Variants in DAB1 observed in about 807,000 individuals in gnomAD.
DAB1 encodes the protein DAB adaptor protein 1, also known as disabled homolog 1.
A neutral mutation model predicts 64.6 loss-of-function variants in DAB1; 15 were observed. The ratio of observed to expected loss-of-function variants is 0.23; its 90% confidence interval spans 0.16 to 0.36. The LOEUF is 0.36. DAB1 is among the 10% of genes least tolerant of loss of function. The pLI is 1.00. For synonymous variants in DAB1, 235 were observed against 251.9 expected (o/e 0.93, Z 0.64); for missense variants, 596 against 706.7 (o/e 0.84, Z 1.78).
chr1:58,168,414 C>T (rs913713060), intron 4 of DAB1, among the ~76,000 whole-genome samples: 1 of 152,142 alleles, frequency 6.6e-6, no homozygotes, highest in Non-Finnish European at 1.5e-5. Flanking sequence ...CTGACACTTG[C>T]CTCCTGGGTC....
chr1:57,695,622 G>A lies in DAB1; in HGVS notation n.552-45957C>T, dbSNP rs904659160. ...TCCTTAAATAGGCAAATGGAGAGCC[G>A]GGAGCGGTGGCTCACACCTGTAATC... On this transcript the variant is annotated intron_variant and non_coding_transcript_variant, in intron 6 of 20. Coordinates refer to the DAB1 transcript ENST00000485760. Among the ~76,000 whole-genome samples, 8 of 152,158 alleles carry A rather than the reference G, an allele frequency of 5.3e-5. No homozygotes were observed. In the South Asian group the frequency reaches 1.5e-3, roughly 28 times the overall value.
At chr1:57,083,776 A>G (rs991064035) in intron 4 of DAB1, among the ~76,000 whole-genome samples, 17 of 152,112 alleles carry the variant, frequency 1.1e-4, no homozygotes, top group African/African-American at 4.1e-4. Flanking sequence ...ACAAACAATG[A>G]CTTCTGAGGG....
intron 1 of DAB1, among the ~76,000 whole-genome samples, chr1:57,393,432 C>T (rs1401043045): frequency 1.3e-5 from 2 of 152,078 alleles, no homozygotes; most frequent in Non-Finnish European, 2.9e-5. Flanking sequence ...GTGACTCATG[C>T]CTGTAATCGT....
chr1:57,496,812 G>A (rs775177524), intron 7 of DAB1, among the ~76,000 whole-genome samples: 12 of 152,140 alleles, frequency 7.9e-5, no homozygotes, highest in Non-Finnish European at 1.5e-4. Context: ...AGCTGCTAGT[G>A]GCAGAACTGG....
chr1:58,459,287 T>C (rs960931111), intron 3 of DAB1, among the ~76,000 whole-genome samples: 3 of 152,220 alleles, frequency 2.0e-5, no homozygotes, highest in African/African-American at 4.8e-5. Flanking sequence ...GGTTCAGAAA[T>C]TGGGGAACAG....
intron 7 of DAB1, among the ~76,000 whole-genome samples, chr1:57,644,764 A>G (rs1280803857): frequency 6.6e-6 from 1 of 152,128 alleles, no homozygotes; most frequent in Non-Finnish European, 1.5e-5. Flanking sequence ...AGCAGTCTGT[A>G]AGTCTGTTGT....
chr1:58,379,365 A>C (rs1052273817), intron 3 of DAB1, among the ~76,000 whole-genome samples: 24 of 152,244 alleles, frequency 1.6e-4, no homozygotes, highest in African/African-American at 5.8e-4. Flanking sequence ...TAATGGCTCT[A>C]TGAAATACAA....
chr1:58,469,045 C>G (rs1039325620), intron 3 of DAB1: 2 of 241,022 alleles, frequency 8.3e-6, no homozygotes, highest in African/African-American at 4.6e-5. Context: ...AAGGTTATCA[C>G]AGGACAGGGT....
At chr1:57,814,098 C>A (rs755610350) in intron 6 of DAB1, among the ~76,000 whole-genome samples, 2 of 152,064 alleles carry the variant, frequency 1.3e-5, no homozygotes, top group African/African-American at 4.8e-5. Context: ...ATCAGGCTCC[C>A]GTCTATGTGT....
At chr1:57,752,257 ACAACTGGG>A (rs1648591842) in intron 6 of DAB1, among the ~76,000 whole-genome samples, 1 of 152,214 alleles carries the variant, frequency 6.6e-6, no homozygotes, top group Admixed American at 6.5e-5. Context: ...GGCAAATGGG[ACAACTGGG>A]CAACCCAAGG....
At chr1:58,180,281 CTTTTTTTTTTTT>C (rs869204611) in intron 4 of DAB1, among the ~76,000 whole-genome samples, 5 of 61,034 alleles carry the variant, frequency 8.2e-5, no homozygotes, top group Non-Finnish European at 1.4e-4. Context: ...TTTTTCTTTT[CTTTTTTTTTTTT>C]TTTTTTTTTT....
chr1:57,868,385 G>A (rs1654394411), intron 1 of DAB1, among the ~76,000 whole-genome samples: 1 of 152,126 alleles, frequency 6.6e-6, no homozygotes. Flanking sequence ...AGATTTTCCT[G>A]TTGTCACTTC....
At chr1:57,649,499 C>T (rs1192986963) in intron 7 of DAB1, 4 of 152,142 alleles carry the variant, frequency 2.6e-5, no homozygotes, top group African/African-American at 7.2e-5. Context: ...AAAGCTACCA[C>T]TTCGAGAGAA....
chr1:58,247,265 C>CCT, intron 4 of DAB1, among the ~76,000 whole-genome samples: 1 of 118,656 alleles, frequency 8.4e-6, no homozygotes, highest in South Asian at 3.1e-4. Context: ...ATTTCCCCCC[C>CCT]CGCCAGGTTA....
chr1:57,210,001 T>C (rs1665877334), intron 2 of DAB1, among the ~76,000 whole-genome samples: 1 of 152,228 alleles, frequency 6.6e-6, no homozygotes, highest in Admixed American at 6.5e-5. Flanking sequence ...CTGTGTGACC[T>C]TACTTAGCCA....
chr1:58,408,460 A>G (rs557052702), intron 3 of DAB1, among the ~76,000 whole-genome samples: 248 of 152,232 alleles, frequency 1.6e-3, no homozygotes, highest in African/African-American at 5.6e-3. Context: ...CTCTGATACA[A>G]CGTAAGCTCC....
chr1:57,693,827 C>G (rs1400901777), intron 6 of DAB1, among the ~76,000 whole-genome samples: 1 of 152,116 alleles, frequency 6.6e-6, no homozygotes, highest in Non-Finnish European at 1.5e-5. Flanking sequence ...TAACACTCAC[C>G]CCAAAGGTCC....
At chr1:57,958,007 C>T (rs531217251) in intron 5 of DAB1, among the ~76,000 whole-genome samples, 6 of 149,234 alleles carry the variant, frequency 4.0e-5, no homozygotes, top group Non-Finnish European at 8.9e-5. Context: ...TTTTTTTAGG[C>T]GGAGTCTAAC....
intron 6 of DAB1, among the ~76,000 whole-genome samples, chr1:57,692,318 T>A (rs1259114723): frequency 3.3e-5 from 5 of 151,016 alleles, no homozygotes; most frequent in Non-Finnish European, 7.4e-5. Context: ...TAGTATAAAC[T>A]AAGAAGAGGG....
Sources: allele counts gnomAD v4.1 joint callset (sites outside exome capture counted in the v4.1 genomes callset), GRCh38; gene constraint gnomAD v4.1.1; transcripts MANE v1.5; gene names NCBI Gene and HGNC (gene_info 2026-07-23, HGNC 2026-07-21).